Variants in RBM23 observed in about 807,000 individuals in gnomAD.
The protein encoded by RBM23 is RNA binding motif protein 23, also known as probable RNA-binding protein 23.
In RBM23, 53 loss-of-function variants were observed where a neutral mutation model predicts 56.2. The ratio of observed to expected loss-of-function variants is 0.94; its 90% CI spans 0.76 to 1.19. The LOEUF (loss-of-function observed/expected upper bound fraction) is 1.19. RBM23 is among the 50% of genes most tolerant of loss of function. The pLI, the probability that RBM23 is intolerant of heterozygous loss-of-function variation, is 0.00. For synonymous variants in RBM23, 197 were observed against 198.5 expected, an observed-to-expected ratio of 0.99 and a Z score of 0.06; for missense variants, 642 against 590.3, an observed-to-expected ratio of 1.09 and a Z score of -0.91.
chr14:22,905,034 G>T, intron 8 of RBM23, 22 bp from the exon 9 acceptor site: 1 of 1,614,054 alleles, frequency 6.2e-7, no homozygotes. Flanking sequence ...GGAAATGATG[G>T]GTCATGTCCC....
chr14:22,912,446 G>T (rs1238268208), intron 1 of RBM23, among the ~76,000 whole-genome samples: 1 of 152,102 alleles, frequency 6.6e-6, no homozygotes, highest in South Asian at 2.1e-4. Context: ...GGCAGGCAAG[G>T]TAAAACGTGC....
rs1210282832 is a variant in RBM23, at chr14:22,902,297, A to C, written c.1016T>G (p.Val339Gly). 1.2e-6 allele frequency: 2 copies of C among 1,614,068 alleles called. No homozygotes were observed. Among genetic ancestry groups the C allele is most frequent in the Non-Finnish European group, 1.7e-6 (2 of 1,180,030 alleles). Residue 339 changes from valine (V) to glycine (G), a missense_variant, in exon 11 of 14, where the codon GTG becomes GGG. Coordinates refer to ENST00000359890, the MANE Select transcript of RBM23 (RefSeq NM_001077351.2). ...LAGRPMRVGH[V>G]TERLDGGTDI... is the part of the protein sequence containing the mutation. ...TGTGCCACCATCCAGTCGCTCAGTC[A>C]CATGGCCAACCCTCATAGGTCGACC...
At chr14:22,907,435 T>C (rs1484515927) in intron 4 of RBM23, among the ~76,000 whole-genome samples, 1 of 152,158 alleles carries the variant, frequency 6.6e-6, no homozygotes, top group African/African-American at 2.4e-5. Context: ...TCAAAATAGC[T>C]AGTAGAGAAT....
rs753982636 is a variant in RBM23, at chr14:22,905,119, A to G, written c.701T>C (p.Val234Ala). ...IGLTGQRLLG[V>A]PIIVQASQAE... ...CTGTGAAGCCTGTACAATGATAGGC[A>G]CTCCCAGCAACCGCTGCCCAGTCAG... is the stretch of plus-strand genomic sequence containing the variant. Residue 234 changes from valine to alanine, a missense_variant, in exon 8 of 14, where the codon GTG becomes GCG. Coordinates refer to ENST00000359890, the MANE Select transcript of RBM23 (RefSeq NM_001077351.2). 6.2e-7 allele frequency: 1 copy of G among 1,614,000 alleles called. No homozygotes were observed. Among genetic ancestry groups the G allele is most frequent in the Non-Finnish European group, 8.5e-7 (1 of 1,179,946 alleles).
rs1238720736 is a variant in RBM23, at chr14:22,909,500, G to A, written c.162C>T (p.Thr54=). Residue 54 remains threonine (T), a synonymous_variant, in exon 3 of 14, where the codon ACC becomes ACT. Coordinates refer to ENST00000359890, the MANE Select transcript of RBM23 (RefSeq NM_001077351.2). The stretch of plus-strand genomic sequence containing the variant: ...ACACTCACTTGCTTGTCTCCCCGAT[G>A]GTGCTGCTTCCACTGGTCTCATTGC... ...NSGNETSGSS[T]IGETSKKKRS... is the part of the protein sequence containing the mutation. 1.9e-6 allele frequency: 3 copies of A among 1,613,028 alleles called. No homozygotes were observed. The highest frequency in any genetic ancestry group is 1.1e-5 in the South Asian group (1 of 91,030).
chr14:22,901,743 G>T lies in RBM23; in HGVS notation c.1317-10C>A. Reference sequence around the variant, plus strand: ...TGTGCCACTGATTTACCTGTGGAAAGAAGAGGTAAATGGGAAGCCAAAGGA... The same window carrying T: ...TGTGCCACTGATTTACCTGTGGAAATAAGAGGTAAATGGGAAGCCAAAGGA... On this transcript the variant is annotated splice_polypyrimidine_tract_variant and intron_variant, in intron 13 of 13. Coordinates refer to ENST00000359890, the MANE Select transcript of RBM23 (RefSeq NM_001077351.2). 2 of 1,613,730 alleles carry T rather than the reference G, an allele frequency of 1.2e-6. No individual in the cohort carries two copies. The highest frequency in any genetic ancestry group is 1.7e-6 in the Non-Finnish European group (2 of 1,179,556).
intron 1 of RBM23, among the ~76,000 whole-genome samples, chr14:22,916,303 C>A (rs1206233521): frequency 6.6e-6 from 1 of 151,186 alleles, no homozygotes; most frequent in African/African-American, 2.4e-5. Context: ...GTTGCCCAAG[C>A]TGGAGTGTAA....
At chr14:22,901,918 A>T in intron 12 of RBM23, 35 bp from the exon 13 acceptor site, 5 of 1,613,934 alleles carry the variant, frequency 3.1e-6, no homozygotes, top group Non-Finnish European at 4.2e-6. Flanking sequence ...GTGAGCAAGC[A>T]CCGCGCACTC....
At chr14:22,904,717 C>G (rs750795611) in intron 9 of RBM23, among the ~76,000 whole-genome samples, 158 bp downstream of exon 9, 1 of 152,082 alleles carries the variant, frequency 6.6e-6, no homozygotes, top group Non-Finnish European at 1.5e-5. Flanking sequence ...AGCACATGAA[C>G]AGAGATGGAG....
At chr14:22,916,040 G>A (rs748063216) in intron 1 of RBM23, among the ~76,000 whole-genome samples, 10 of 152,098 alleles carry the variant, frequency 6.6e-5, no homozygotes, top group African/African-American at 1.7e-4. Flanking sequence ...ATACAGTGAG[G>A]CCCCATTTTT....
chr14:22,916,735 CAT>C (rs1486088511), intron 1 of RBM23, among the ~76,000 whole-genome samples: 4 of 152,028 alleles, frequency 2.6e-5, no homozygotes, highest in African/African-American at 4.8e-5. Flanking sequence ...ATGTTCTTCT[CAT>C]ATGTTTATCA....
chr14:22,905,924 A>AT (rs2138968194), intron 5 of RBM23: 2 of 592,406 alleles, frequency 3.4e-6, no homozygotes, highest in Non-Finnish European at 3.0e-6. Flanking sequence ...TCATTTTTGC[A>AT]TTTTTTGTAG....
At chr14:22,912,168 A>C (rs556774461) in intron 1 of RBM23, among the ~76,000 whole-genome samples, 48 of 152,346 alleles carry the variant, frequency 3.2e-4, no homozygotes, top group Non-Finnish European at 6.6e-4. Context: ...GATGTGAGAA[A>C]AATATAAAAC....
In RBM23 at chr14:22,901,871, G is replaced by A; in HGVS notation, c.1259C>T (p.Ala420Val). The change falls in exon 13 of 14, where the codon GCC becomes GTC. Residue 420 changes from alanine (A) to valine (V), a missense_variant. Transcript: ENST00000359890. ...GAAACACTGGGAGGCAAGGTTCAGG[G>A]CTGGACTCAGAGCTAGAACAAAGAC... Reference protein sequence around the residue: ...NPAALTALSPALNLASQCFQL... With the variant: ...NPAALTALSPVLNLASQCFQL... 1.9e-6 allele frequency: 3 copies of A among 1,614,184 alleles called. No individual in the cohort carries two copies. The highest frequency in any genetic ancestry group is 2.2e-5 in the East Asian group (1 of 44,890).
intron 4 of RBM23, 113 bp from the exon 5 acceptor site, chr14:22,906,481 C>G (rs1406823491): frequency 8.0e-7 from 1 of 1,244,216 alleles, no homozygotes; most frequent in East Asian, 2.4e-5. Flanking sequence ...TTCGTATAAC[C>G]TAGTGATGTT....
chr14:22,906,490 T>C (rs2041587284), intron 4 of RBM23, 122 bp from the exon 5 acceptor site: 5 of 1,127,544 alleles, frequency 4.4e-6, no homozygotes, highest in South Asian at 1.5e-5. Flanking sequence ...CCTAGTGATG[T>C]TACAGCCACT....
intron 1 of RBM23, chr14:22,917,072 T>C (rs892984037): frequency 6.6e-6 from 1 of 152,056 alleles, no homozygotes; most frequent in African/African-American, 2.4e-5. Context: ...TTCTCCACAT[T>C]GGTCAGGCTG....
intron 9 of RBM23, 72 bp from the exon 10 acceptor site, chr14:22,904,398 C>CTTT (rs371371804): frequency 6.8e-5 from 69 of 1,015,730 alleles, no homozygotes; most frequent in South Asian, 2.0e-4. Flanking sequence ...ACCCAGACTG[C>CTTT]TTTTTTTTTT....
rs1272029214 is a variant in RBM23, at chr14:22,901,004, A to T, written c.*726T>A. ...GGGAGGAAGGACAAGTATACAAAGG[A>T]AGATGGAAGATACTGGAAAGGCATA... is the stretch of plus-strand genomic sequence containing the variant. On this transcript the variant is annotated 3_prime_UTR_variant, in exon 14 of 14. Coordinates refer to ENST00000359890, the MANE Select transcript of RBM23 (RefSeq NM_001077351.2). 2 of 152,124 alleles carry T rather than the reference A, an allele frequency of 1.3e-5. No individual in the cohort carries two copies. Among genetic ancestry groups the T allele is most frequent in the African/African-American group, 2.4e-5 (1 of 41,384 alleles). 9.4% of individuals were successfully genotyped at this position (152,124 alleles called of 1,614,324 possible).
Sources: allele counts gnomAD v4.1 joint callset (sites outside exome capture counted in the v4.1 genomes callset), GRCh38; gene constraint gnomAD v4.1.1; transcripts MANE v1.5; gene names NCBI Gene and HGNC (gene_info 2026-07-23, HGNC 2026-07-21).